Variants in KIAA1328 observed in about 807,000 individuals in gnomAD.
KIAA1328 encodes protein hinderin.
Under a neutral mutation model 68.1 loss-of-function variants are expected in KIAA1328, and 52 were observed. The ratio of observed to expected loss-of-function variants is 0.76; its 90% confidence interval spans 0.61 to 0.96. The LOEUF is 0.96. Among genes scored for constraint, KIAA1328 ranks in the 40% least tolerant of loss-of-function variants. The pLI, the probability that KIAA1328 is intolerant of heterozygous loss-of-function variation, is 0.00. For synonymous variants in KIAA1328, 232 were observed against 239.4 expected (o/e 0.97, Z 0.28); for missense variants, 641 against 677.6 (o/e 0.95, Z 0.60).
intron 5 of KIAA1328, among the ~76,000 whole-genome samples, chr18:36,942,246 C>T (rs1021798545): frequency 6.6e-6 from 1 of 152,216 alleles, no homozygotes; most frequent in Non-Finnish European, 1.5e-5. Context: ...GCTTGGTCAG[C>T]TAGATGTAGT....
chr18:37,114,080 G>A (rs1207951622), intron 7 of KIAA1328, among the ~76,000 whole-genome samples: 1 of 152,160 alleles, frequency 6.6e-6, no homozygotes, highest in Non-Finnish European at 1.5e-5. Flanking sequence ...ACAACCCACT[G>A]TCAACATTAG....
At chr18:36,912,773 A>G (rs2049508107) in intron 5 of KIAA1328, among the ~76,000 whole-genome samples, 1 of 152,192 alleles carries the variant, frequency 6.6e-6, no homozygotes, top group African/African-American at 2.4e-5. Context: ...TCAATCATCT[A>G]GATTAGGCAT....
chr18:37,061,428 A>G (rs1028416506), intron 6 of KIAA1328, among the ~76,000 whole-genome samples: 16 of 152,216 alleles, frequency 1.1e-4, no homozygotes, highest in African/African-American at 3.9e-4. Context: ...ATAGATACAA[A>G]TATAAAAATT....
intron 6 of KIAA1328, among the ~76,000 whole-genome samples, chr18:36,977,840 G>A (rs2052531471): frequency 6.6e-6 from 1 of 151,978 alleles, no homozygotes. Context: ...CTGGAGTGCA[G>A]TGGTGCAGTC....
chr18:36,905,337 C>T (rs1185497107), intron 5 of KIAA1328, among the ~76,000 whole-genome samples: 1 of 151,902 alleles, frequency 6.6e-6, no homozygotes, highest in Non-Finnish European at 1.5e-5. Context: ...GTCTTGAATT[C>T]CTGACCTCAA....
In KIAA1328 at chr18:37,160,380, AG is replaced by A. The variant is rs1444469596; in HGVS notation, c.1414+1del. Reference protein sequence around the residue: ...QKKDTCRPQRGTVTGVRKDAS... With the variant: ...QKKDTCRPQRXTVTGVRKDAS... ...AGAAAGATACATGTAGACCCCAAAG[AG>A]GTAAGTTTAACAACTGTAGTGGCAA... is the stretch of plus-strand genomic sequence containing the variant. On this transcript the variant is annotated frameshift_variant and splice_region_variant, in exon 8 of 10. Coordinates refer to ENST00000280020, the MANE Select transcript of KIAA1328 (RefSeq NM_020776.3). LOFTEE classifies it high-confidence loss of function. The A allele has an allele frequency of 1.2e-6, 2 of 1,610,852 alleles. No homozygotes were observed.
chr18:37,115,229 C>A (rs1486300956), intron 7 of KIAA1328, among the ~76,000 whole-genome samples: 1 of 152,126 alleles, frequency 6.6e-6, no homozygotes, highest in Non-Finnish European at 1.5e-5. Context: ...ATTTTTAGAC[C>A]AATATCCCTG....
chr18:36,848,600 G>A (rs1167391983), intron 4 of KIAA1328, among the ~76,000 whole-genome samples: 1 of 112,582 alleles, frequency 8.9e-6, no homozygotes, highest in Non-Finnish European at 1.7e-5. Context: ...CCAGTACAAT[G>A]TTGAATGAAA....
rs191322291 is a variant in KIAA1328, at chr18:37,130,953, T to C, written c.1233-29247T>C. ...CCTATTTGTCATAACCCCAGTATCA[T>C]TTTATTGGGTAATTAATAATATGAA... On this transcript the variant is annotated intron_variant, in intron 7 of 9. Coordinates refer to ENST00000280020, the MANE Select transcript of KIAA1328 (RefSeq NM_020776.3). 5.9e-5 allele frequency among the ~76,000 whole-genome samples: 9 copies of C among 152,310 alleles called. No homozygotes were observed. The East Asian group carries it at 1.7e-3, about 29-fold the overall frequency.
Position 37,031,946 on chromosome 18 carries a change from C to T in KIAA1328, c.577-34944C>T, listed in dbSNP as rs62083243. Among the ~76,000 whole-genome samples the T allele has an allele frequency of 7.4e-3, 1,124 of 152,120 alleles. 20 individuals are homozygous for T. In the East Asian group the frequency reaches 0.075, roughly 10 times the overall value. ...CTTTGGGAGGCTGAGGCGGGTGGAT[C>T]GCTTGACTCCAGGAGTTCAAGACCA... On this transcript the variant is annotated intron_variant, in intron 6 of 9. Coordinates refer to ENST00000280020, the MANE Select transcript of KIAA1328 (RefSeq NM_020776.3).
intron 9 of KIAA1328, among the ~76,000 whole-genome samples, chr18:37,213,150 ATTTT>A (rs920143329): frequency 6.6e-6 from 1 of 152,060 alleles, no homozygotes; most frequent in African/African-American, 2.4e-5. Context: ...ATTTTTTGTA[ATTTT>A]TTTTATTTTT....
chr18:37,000,357 A>C (rs2053543692), intron 6 of KIAA1328, among the ~76,000 whole-genome samples: 1 of 152,178 alleles, frequency 6.6e-6, no homozygotes, highest in Non-Finnish European at 1.5e-5. Flanking sequence ...CAGATTCATA[A>C]AGCAAGTATT....
chr18:36,956,424 G>A (rs929648380), intron 5 of KIAA1328, among the ~76,000 whole-genome samples: 4 of 151,656 alleles, frequency 2.6e-5, no homozygotes, highest in East Asian at 3.9e-4. Flanking sequence ...TTAAATATAT[G>A]TTCTTTTTCA....
chr18:37,030,670 TTTTC>T (rs952676875), intron 6 of KIAA1328, among the ~76,000 whole-genome samples: 16 of 152,274 alleles, frequency 1.1e-4, no homozygotes, highest in African/African-American at 3.1e-4. Flanking sequence ...GGGTCAATAT[TTTTC>T]TTTCTTTTTA....
Position 37,223,825 on chromosome 18 carries a change from G to A in KIAA1328, c.*1598G>A. 6 of 985,130 alleles carry A rather than the reference G, an allele frequency of 6.1e-6. No individual in the cohort carries two copies. The highest frequency in any genetic ancestry group is 7.2e-6 in the Non-Finnish European group (6 of 829,764). The allele number at this position is 985,130 out of a possible 1,614,324, so 61.0% of individuals were successfully genotyped here. A position where few individuals can be genotyped will look rare whatever the true frequency, so the allele number is the denominator to read the frequency against. ...CCTCCACCCAGCCTTCTTTCACTTG[G>A]GGTTTTTTATTCTTTGGAGTAGAAA... On this transcript the variant is annotated 3_prime_UTR_variant, in exon 10 of 10. Coordinates refer to ENST00000280020, the MANE Select transcript of KIAA1328 (RefSeq NM_020776.3).
intron 7 of KIAA1328, among the ~76,000 whole-genome samples, chr18:37,069,769 A>G (rs2056464393): frequency 1.3e-5 from 2 of 152,028 alleles, no homozygotes; most frequent in South Asian, 2.1e-4. Flanking sequence ...TTATCTTTCA[A>G]ATAACTGGGT....
At chr18:37,140,284 C>A (rs2058739223) in intron 7 of KIAA1328, among the ~76,000 whole-genome samples, 1 of 152,044 alleles carries the variant, frequency 6.6e-6, no homozygotes, top group Admixed American at 6.6e-5. Context: ...GACAGCTATT[C>A]TTCTTTGTAA....
At chr18:37,163,580 A>G (rs1328018904) in intron 8 of KIAA1328, among the ~76,000 whole-genome samples, 4 of 152,132 alleles carry the variant, frequency 2.6e-5, no homozygotes, top group Admixed American at 2.6e-4. Flanking sequence ...GAAGATGATT[A>G]TTCTAGACTC....
chr18:36,855,693 G>A (rs1408245292), intron 4 of KIAA1328, among the ~76,000 whole-genome samples: 4 of 151,386 alleles, frequency 2.6e-5, no homozygotes, highest in African/African-American at 9.7e-5. Context: ...TGTTGCTTGT[G>A]TTTCTAGTGT....
Sources: gnomAD v4.1 joint callset for allele counts (sites outside exome capture counted in the v4.1 genomes callset) on GRCh38, gnomAD v4.1.1 for gene constraint, MANE v1.5 for transcripts, NCBI Gene and HGNC (gene_info 2026-07-23, HGNC 2026-07-21) for gene names.